The following MYH16 variants were observed in gnomAD, a reference collection of about 807,000 sequenced individuals.
MYH16 encodes myosin heavy chain 16.
At chr7:99,283,886 G>A (rs1334987963) in exon 25 of MYH16, 3 of 455,918 alleles carry the variant, frequency 6.6e-6, no homozygotes, top group South Asian at 3.1e-5. Context: ...GAGGATAACT[G>A]GGAGCAGGAA....
At chr7:99,252,593 C>A (rs1361710174) in intron 6 of MYH16, 1 of 152,252 alleles carries the variant, frequency 6.6e-6, no homozygotes, top group Non-Finnish European at 1.5e-5. Context: ...CCTGCTGGGA[C>A]TTCTCTCCCC....
intron 20 of MYH16, among the ~76,000 whole-genome samples, chr7:99,273,658 C>T (rs1360759961): frequency 1.3e-5 from 2 of 152,124 alleles, no homozygotes; most frequent in African/African-American, 4.8e-5. Context: ...CTTTGGGAGG[C>T]TGAGGCAGGA....
rs1584343992 is a variant in MYH16 at position 99,260,342 on chromosome 7, G to A, written n.1575+8G>A. ...ATCGACCTGCTGGAAAAGGTGACTT[G>A]CTTCTCAAAGGAGGGATTGGAGAGA... On this transcript the variant is annotated splice_region_variant and intron_variant and non_coding_transcript_variant, in intron 12 of 41. Transcript: ENST00000439784. The A allele has an allele frequency of 4.0e-6, 5 of 1,240,508 alleles. No homozygotes were observed. The East Asian group carries it at 7.8e-5, about 19-fold the overall frequency. The allele number at this position is 1,240,508 out of a possible 1,614,324, so 76.8% of individuals were successfully genotyped here.
Position 99,260,451 on chromosome 7 carries a change from C to T in MYH16, n.1575+117C>T, listed in dbSNP as rs118040183. On this transcript the variant is annotated intron_variant and non_coding_transcript_variant, in intron 12 of 41. Coordinates refer to ENST00000439784, the Ensembl canonical transcript of MYH16. ...AGTCAGTGACACCACCAGTGACCTT[C>T]CTTGGTATGACCTCTAGCTCCCTAT... 1,889 of 514,052 alleles carry T rather than the reference C, an allele frequency of 3.7e-3. 9 individuals are homozygous for T. The highest frequency in any genetic ancestry group is 5.9e-3 in the Non-Finnish European group (1,638 of 276,084). The allele number at this position is 514,052 out of a possible 1,614,324, so 31.8% of individuals were successfully genotyped here.
At chr7:99,305,067 T>C (rs1562788741) in intron 40 of MYH16, among the ~76,000 whole-genome samples, 2 of 152,174 alleles carry the variant, frequency 1.3e-5, no homozygotes, top group African/African-American at 4.8e-5. Flanking sequence ...CACATGCCTG[T>C]AGTCCCAGCT....
intron 28 of MYH16, among the ~76,000 whole-genome samples, chr7:99,287,244 A>G (rs1000305937): frequency 3.3e-5 from 5 of 152,016 alleles, no homozygotes; most frequent in African/African-American, 1.2e-4. Flanking sequence ...TAGAAATGTG[A>G]GAGTCCGGCC....
At chr7:99,263,648 A>T (rs904830137) in intron 14 of MYH16, among the ~76,000 whole-genome samples, 2 of 152,222 alleles carry the variant, frequency 1.3e-5, no homozygotes, top group East Asian at 3.8e-4. Flanking sequence ...ATACTGCAAA[A>T]GAGGCAAGCA....
At chr7:99,260,372 A>G (rs10278443) in intron 12 of MYH16, 71,622 of 892,312 alleles carry the variant, frequency 0.08, 4,881 homozygotes, top group African/African-American at 0.31. Context: ...GAGAGAGGCC[A>G]GGGCCAAGGG....
intron 36 of MYH16, among the ~76,000 whole-genome samples, chr7:99,298,973 T>C (rs1490883648): frequency 6.6e-6 from 1 of 151,936 alleles, no homozygotes; most frequent in Non-Finnish European, 1.5e-5. Flanking sequence ...ACGCCTGTAA[T>C]CCTAGCACTT....
intron 9 of MYH16, chr7:99,257,207 C>T (rs1791882006): frequency 6.5e-6 from 1 of 152,694 alleles, no homozygotes; most frequent in Non-Finnish European, 1.5e-5. Flanking sequence ...GCCGCAGTGG[C>T]CCTTCGGCAT....
chr7:99,281,902 C>T (rs1399142598), intron 23 of MYH16, among the ~76,000 whole-genome samples: 1 of 151,800 alleles, frequency 6.6e-6, no homozygotes, highest in Admixed American at 6.6e-5. Context: ...ATCCACATGT[C>T]CCCTGAGTGC....
chr7:99,294,626 C>T (rs144663042), intron 33 of MYH16, among the ~76,000 whole-genome samples: 23,093 of 149,498 alleles, frequency 0.15, 2,721 homozygotes, highest in African/African-American at 0.34. Context: ...AGTACAGTGG[C>T]GTGATCTCAG....
At chr7:99,298,412 T>C (rs766145463) in intron 36 of MYH16, among the ~76,000 whole-genome samples, 2 of 152,168 alleles carry the variant, frequency 1.3e-5, no homozygotes, top group Non-Finnish European at 2.9e-5. Context: ...TTTGTATTTT[T>C]ACTAGAGACA....
At chr7:99,277,084 C>T (rs566044141) in intron 20 of MYH16, among the ~76,000 whole-genome samples, 4 of 150,716 alleles carry the variant, frequency 2.7e-5, no homozygotes, top group Non-Finnish European at 4.4e-5. Context: ...AAACAGTGGG[C>T]GAGTGAGAGA....
Position 99,260,583 on chromosome 7 carries a change from C to T in MYH16, n.1575+249C>T, listed in dbSNP as rs902812449. On this transcript the variant is annotated intron_variant and non_coding_transcript_variant, in intron 12 of 41. Coordinates refer to ENST00000439784, the Ensembl canonical transcript of MYH16. ...CCTACTGCATGTGGGGGAGGGGATACTTTTATTACACCCATTTCACAGATG... is the reference window on the plus strand; with the variant it reads ...CCTACTGCATGTGGGGGAGGGGATATTTTTATTACACCCATTTCACAGATG... 3.1e-5 allele frequency: 8 copies of T among 258,286 alleles called. No individual in the cohort carries two copies. In the East Asian group the frequency reaches 7.4e-4, roughly 24 times the overall value. 16.0% of individuals were successfully genotyped at this position (258,286 alleles called of 1,614,324 possible).
At chr7:99,309,815 G>A (rs1792734881), downstream of MYH16, among the ~76,000 whole-genome samples, 1 of 152,192 alleles carries the variant, frequency 6.6e-6, no homozygotes, top group East Asian at 1.9e-4. Flanking sequence ...AGGTGATGAG[G>A]CTGTGCCTCT....
intron 25 of MYH16, 135 bp downstream of exon 7, chr7:99,284,153 T>C (rs1383104550): frequency 2.8e-6 from 1 of 358,900 alleles, no homozygotes; most frequent in African/African-American, 2.1e-5. Context: ...CTGGCAGGCA[T>C]GGAGGATATG....
chr7:99,241,929 C>T (rs1161379316), intron 1 of MYH16, among the ~76,000 whole-genome samples: 1 of 151,236 alleles, frequency 6.6e-6, no homozygotes, highest in Non-Finnish European at 1.5e-5. Context: ...GGCATGATCT[C>T]CGCTCACTGC....
At chr7:99,304,416 G>C (rs190437799) in intron 39 of MYH16, among the ~76,000 whole-genome samples, 170 bp from the exon 21 acceptor site, 1 of 152,276 alleles carries the variant, frequency 6.6e-6, no homozygotes, top group African/African-American at 2.4e-5. Flanking sequence ...GGGCAAAGGG[G>C]AGCATAGAGC....
Sources: gnomAD v4.1 joint callset for allele counts (sites outside exome capture counted in the v4.1 genomes callset) on GRCh38, gnomAD v4.1.1 for gene constraint, MANE v1.5 for transcripts, NCBI Gene and HGNC (gene_info 2026-07-23, HGNC 2026-07-21) for gene names.